ETV1: variants seen among roughly 807,000 people sequenced by gnomAD.
ETV1 encodes ETS variant transcription factor 1.
Under a neutral mutation model 62.3 loss-of-function variants are expected in ETV1, and 27 were observed. The observed-to-expected ratio is 0.43, with a 90% CI of 0.32 to 0.60. The LOEUF (loss-of-function observed/expected upper bound fraction) is 0.60, where lower values mean the gene tolerates loss of function less well. Ranked by LOEUF, ETV1 falls within the 20% of genes least tolerant of loss-of-function variation. The pLI, the probability that ETV1 is intolerant of heterozygous loss-of-function variation, is 0.06. For synonymous variants in ETV1, 222 were observed against 199.6 expected (o/e 1.11, Z -0.94); for missense variants, 605 against 605.8 (o/e 1.00, Z 0.01).
At position 13,895,639 on chromosome 7, in the gene ETV1, C is replaced by T; in HGVS notation, c.*227G>A. The T allele has an allele frequency of 2.0e-6, 1 of 495,278 alleles. No homozygotes were observed. The highest frequency in any genetic ancestry group is 3.6e-6 in the Non-Finnish European group (1 of 277,902). The allele number at this position is 495,278 out of a possible 1,614,324, so 30.7% of individuals were successfully genotyped here. A position where few individuals can be genotyped will look rare whatever the true frequency, so the allele number is the denominator to read the frequency against. On this transcript the variant is annotated 3_prime_UTR_variant, in exon 14 of 14. Coordinates refer to ENST00000430479, the MANE Select transcript of ETV1 (RefSeq NM_004956.5). Reference sequence around the variant, plus strand: ...ATCCCTCTGCCCATTCACCCATTAGCTTCCTGTTACACAGAATAAATGTTT... The same window carrying T: ...ATCCCTCTGCCCATTCACCCATTAGTTTCCTGTTACACAGAATAAATGTTT...
rs977053448 is a variant in ETV1 at position 13,957,151 on chromosome 7, T to C, written c.236-17905A>G. 2.6e-5 allele frequency among the ~76,000 whole-genome samples: 4 copies of C among 152,118 alleles called. No homozygotes were observed. The East Asian group carries it at 7.7e-4, about 29-fold the overall frequency. ...CCCAGGCTGGAGTGCAGTGGCGCGATCTCAGCTCACTCCAAGTTCCGCCTC... is the reference window on the plus strand; with the variant it reads ...CCCAGGCTGGAGTGCAGTGGCGCGACCTCAGCTCACTCCAAGTTCCGCCTC... On this transcript the variant is annotated intron_variant, in intron 6 of 13. Transcript: ENST00000430479.
chr7:13,950,931 CACACACACACAAT>C (rs1788739847), intron 6 of ETV1, among the ~76,000 whole-genome samples: 1 of 147,814 alleles, frequency 6.8e-6, no homozygotes, highest in Non-Finnish European at 1.5e-5. Context: ...CACACACACA[CACACACACACAAT>C]ATCGAGCAAT....
At chr7:13,954,810 CT>C (rs1421960559) in intron 6 of ETV1, among the ~76,000 whole-genome samples, 4 of 152,142 alleles carry the variant, frequency 2.6e-5, no homozygotes, top group African/African-American at 9.7e-5. Flanking sequence ...CACTTGGCTC[CT>C]TGTTCAAAAC....
intron 9 of ETV1, among the ~76,000 whole-genome samples, chr7:13,924,156 T>C (rs1785156357): frequency 6.6e-6 from 1 of 152,174 alleles, no homozygotes; most frequent in African/African-American, 2.4e-5. Context: ...AGCTTACTTG[T>C]GAAAAATGGA....
At chr7:13,929,324 A>G (rs2128446988) in intron 9 of ETV1, among the ~76,000 whole-genome samples, 1 of 152,340 alleles carries the variant, frequency 6.6e-6, no homozygotes, top group East Asian at 1.9e-4. Context: ...AAAGACTCTT[A>G]TACAATCTGT....
chr7:13,949,375 C>G (rs1033803813), intron 6 of ETV1, among the ~76,000 whole-genome samples: 2 of 152,124 alleles, frequency 1.3e-5, no homozygotes, highest in Non-Finnish European at 2.9e-5. Flanking sequence ...GCAATGACCT[C>G]AATTAGTGCT....
chr7:13,968,933 G>A (rs898248086), intron 6 of ETV1, among the ~76,000 whole-genome samples: 1 of 152,124 alleles, frequency 6.6e-6, no homozygotes, highest in Non-Finnish European at 1.5e-5. Context: ...CTTGCAAGAT[G>A]GAGAGTACTT....
intron 3 of ETV1, 82 bp from the exon 4 acceptor site, chr7:13,988,255 C>CAA: frequency 1.2e-6 from 1 of 817,826 alleles, no homozygotes. Flanking sequence ...CACACACACA[C>CAA]ACAGACATGC....
intron 11 of ETV1, among the ~76,000 whole-genome samples, chr7:13,907,450 T>C (rs1783084705): frequency 6.6e-6 from 1 of 152,190 alleles, no homozygotes; most frequent in African/African-American, 2.4e-5. Flanking sequence ...TTGATATTCA[T>C]ATCTAGTGTA....
At position 13,936,020 on chromosome 7, in the gene ETV1, G is replaced by T; in HGVS notation, c.366-124C>A. 3 of 721,980 alleles carry T rather than the reference G, an allele frequency of 4.2e-6. No individual in the cohort carries two copies. The South Asian group carries it at 5.9e-5, about 14-fold the overall frequency. The allele number at this position is 721,980 out of a possible 1,614,324, so 44.7% of individuals were successfully genotyped here. ...GTCAAATGGAAATGAAAACTTTGTTGTTGCTATTGTTGTTTAAATCCAGAA... is the reference window on the plus strand; with the variant it reads ...GTCAAATGGAAATGAAAACTTTGTTTTTGCTATTGTTGTTTAAATCCAGAA... On this transcript the variant is annotated intron_variant, in intron 7 of 13. Coordinates refer to ENST00000430479, the MANE Select transcript of ETV1 (RefSeq NM_004956.5).
At chr7:13,909,726 A>G in intron 10 of ETV1, 26 bp from the exon 11 acceptor site, 1 of 1,570,650 alleles carries the variant, frequency 6.4e-7, no homozygotes, top group Non-Finnish European at 8.7e-7. Flanking sequence ...GAATACATTT[A>G]TTCATGATAG....
At chr7:13,922,421 T>A (rs1215580043) in intron 9 of ETV1, among the ~76,000 whole-genome samples, 1 of 152,164 alleles carries the variant, frequency 6.6e-6, no homozygotes, top group South Asian at 2.1e-4. Context: ...GATAAAATAA[T>A]GTCTTCAATG....
At chr7:13,986,313 A>G (rs981268382) in intron 5 of ETV1, 2 of 1,502,974 alleles carry the variant, frequency 1.3e-6, no homozygotes, top group Non-Finnish European at 1.8e-6. Context: ...CTCTGGAGGT[A>G]CAATAATATA....
Position 13,940,268 on chromosome 7 carries a change from G to A in ETV1, c.236-1022C>T, listed in dbSNP as rs7777996. ...TCCCAGCTACTTGGGAGGCTGAGGC[G>A]GGAGAATTGCTTGAACCCAGAAGGT... On this transcript the variant is annotated intron_variant, in intron 6 of 13. Transcript: ENST00000430479. Among the ~76,000 whole-genome samples the A allele has an allele frequency of 5.9e-3, 898 of 151,542 alleles. 7 individuals carry two copies. The highest frequency in any genetic ancestry group is 0.021 in the African/African-American group (852 of 41,288).
chr7:13,895,882 T>C lies in ETV1; in HGVS notation c.1418A>G (p.Glu473Gly). The stretch of plus-strand genomic sequence containing the variant: ...TCACTTGTGTTAATACACGTAGCCT[T>C]CGTTGTAGGGGTGGGGGTTGCAGCA... Reference protein sequence around the residue: ...GGCCNPHPYNEGYVY With the variant: ...GGCCNPHPYNGGYVY Residue 473 changes from glutamate to glycine, a missense_variant, in exon 14 of 14, where the codon GAA (glutamate) becomes GGA (glycine). By Grantham distance (98) the Glu-to-Gly change is moderately conservative. This residue lies in a region of ETV1 where 79 missense variants were observed against 71.6 expected (regional missense o/e 1.10). Coordinates refer to ENST00000430479, the MANE Select transcript of ETV1 (RefSeq NM_004956.5). 1 of 1,613,452 alleles carries C rather than the reference T, an allele frequency of 6.2e-7. No homozygotes were observed. The highest frequency in any genetic ancestry group is 8.5e-7 in the Non-Finnish European group (1 of 1,179,724).
intron 12 of ETV1, among the ~76,000 whole-genome samples, chr7:13,901,587 A>C (rs1782433781): frequency 6.6e-6 from 1 of 152,182 alleles, no homozygotes; most frequent in Non-Finnish European, 1.5e-5. Context: ...CCAAAGGAAA[A>C]AAGATACCCT....
intron 6 of ETV1, among the ~76,000 whole-genome samples, chr7:13,950,358 G>A (rs1438634588): frequency 6.6e-6 from 1 of 152,074 alleles, no homozygotes; most frequent in Non-Finnish European, 1.5e-5. Flanking sequence ...TTTTGTGAGT[G>A]TGTGTGTGTA....
intron 4 of ETV1, 146 bp downstream of exon 4, chr7:13,987,940 T>A: frequency 1.7e-6 from 1 of 601,916 alleles, no homozygotes. Flanking sequence ...CCGCATTATG[T>A]AAATCGTTCC....
chr7:13,908,279 A>G (rs1783185918), intron 11 of ETV1, among the ~76,000 whole-genome samples: 1 of 152,138 alleles, frequency 6.6e-6, no homozygotes. Context: ...TTCCCTAAAT[A>G]TTAGTGTGAC....
Sources: allele counts gnomAD v4.1 joint callset (sites outside exome capture counted in the v4.1 genomes callset), GRCh38; gene constraint gnomAD v4.1.1; regional missense constraint gnomAD v4.1.1; transcripts MANE v1.5; gene names NCBI Gene and HGNC (gene_info 2026-07-23, HGNC 2026-07-21).